ACOT13: variants seen among roughly 807,000 people sequenced by gnomAD.
The protein encoded by ACOT13 is acyl-coenzyme A thioesterase 13.
In ACOT13, 10 loss-of-function variants were observed where a neutral mutation model predicts 11.8. The observed-to-expected ratio is 0.85, with a 90% CI of 0.53 to 1.44. ACOT13 has a LOEUF of 1.44. Among genes scored for constraint, ACOT13 ranks in the 40% most tolerant of loss-of-function variants. The pLI, the probability that ACOT13 is intolerant of heterozygous loss-of-function variation, is 0.00. For synonymous variants in ACOT13, 53 were observed against 61.0 expected (o/e 0.87, Z 0.61); for missense variants, 172 against 174.1 (o/e 0.99, Z 0.07).
At chr6:24,667,436 CTT>C (rs1302630965) in intron 1 of ACOT13, 92 bp downstream of exon 1, 18 of 1,150,916 alleles carry the variant, frequency 1.6e-5, no homozygotes, top group Admixed American at 7.8e-5. Flanking sequence ...ATAATTATCT[CTT>C]GTTAGGTTGT....
chr6:24,668,409 C>T (rs534705697), intron 1 of ACOT13, among the ~76,000 whole-genome samples: 1 of 152,130 alleles, frequency 6.6e-6, no homozygotes, highest in South Asian at 2.1e-4. Context: ...TTATTAGAGA[C>T]AGGGTTTCAT....
At chr6:24,694,882 G>A (rs886576633) in intron 1 of ACOT13, among the ~76,000 whole-genome samples, 1 of 152,100 alleles carries the variant, frequency 6.6e-6, no homozygotes, top group Non-Finnish European at 1.5e-5. Flanking sequence ...CAAGTTGGGG[G>A]GAAAAATCAA....
intron 1 of ACOT13, among the ~76,000 whole-genome samples, chr6:24,675,671 C>T (rs1778441432): frequency 6.6e-6 from 1 of 152,112 alleles, no homozygotes; most frequent in African/African-American, 2.4e-5. Context: ...TTTCTCCCAT[C>T]CTGTAGGTTG....
At chr6:24,667,411 C>A in intron 1 of ACOT13, 67 bp downstream of exon 1, 2 of 1,414,108 alleles carry the variant, frequency 1.4e-6, no homozygotes, top group South Asian at 1.2e-5. Context: ...TGCTTGGTGC[C>A]GTTGTGAGCT....
intron 1 of ACOT13, among the ~76,000 whole-genome samples, chr6:24,678,586 C>A (rs930744541): frequency 2.6e-5 from 4 of 152,136 alleles, no homozygotes; most frequent in Non-Finnish European, 5.9e-5. Flanking sequence ...CCATATTGTC[C>A]TTCTGTTGCC....
rs545931059 is a variant in ACOT13 at position 24,679,623 on chromosome 6, C to A, written c.81+12279C>A. On this transcript the variant is annotated intron_variant, in intron 1 of 2. Transcript: ENST00000230048. ...TCTGATTCTGTGTCCCAATGAGGGT[C>A]TACACTGGGAACTGCCTGCTGGCCT... is the stretch of plus-strand genomic sequence containing the variant. 2.6e-5 allele frequency among the ~76,000 whole-genome samples: 4 copies of A among 152,326 alleles called. No homozygotes were observed. In the East Asian group the frequency reaches 7.7e-4, roughly 29 times the overall value.
At chr6:24,694,962 G>C (rs1003240804) in intron 1 of ACOT13, among the ~76,000 whole-genome samples, 2 of 152,144 alleles carry the variant, frequency 1.3e-5, no homozygotes, top group Admixed American at 6.6e-5. Context: ...GCCAAAGTTA[G>C]GTAATCAAAT....
intron 1 of ACOT13, among the ~76,000 whole-genome samples, chr6:24,685,332 CTTTTTTTTTTT>C (rs563020332): frequency 8.6e-6 from 1 of 116,784 alleles, no homozygotes; most frequent in Non-Finnish European, 1.8e-5. Context: ...TTTTACTGTA[CTTTTTTTTTTT>C]TTTTTTTTTT....
At chr6:24,678,465 C>T (rs139014077) in intron 1 of ACOT13, among the ~76,000 whole-genome samples, 106 of 152,264 alleles carry the variant, frequency 7.0e-4, no homozygotes, top group African/African-American at 1.9e-3. Context: ...AAGTCCTTAA[C>T]AATCTTTTGG....
chr6:24,685,099 C>T (rs1235935445), intron 1 of ACOT13, among the ~76,000 whole-genome samples: 3 of 152,098 alleles, frequency 2.0e-5, no homozygotes, highest in African/African-American at 4.8e-5. Flanking sequence ...ACTTACAGTA[C>T]GTCTGAGTTC....
chr6:24,690,160 C>A lies in ACOT13; in HGVS notation c.82-7723C>A, dbSNP rs76318187. 3.0e-3 allele frequency among the ~76,000 whole-genome samples: 451 copies of A among 152,240 alleles called. 2 individuals carry two copies. Among genetic ancestry groups the A allele is most frequent in the African/African-American group, 9.7e-3 (404 of 41,538 alleles). The stretch of plus-strand genomic sequence containing the variant: ...TTTTGTATGACTAATGGGCTGTTCC[C>A]CTGGCCTTGATTTGCCAGATTTGCA... On this transcript the variant is annotated intron_variant, in intron 1 of 2. Transcript: ENST00000230048.
intron 2 of ACOT13, chr6:24,700,762 C>A (rs1415441902): frequency 2.0e-5 from 3 of 152,052 alleles, no homozygotes; most frequent in African/African-American, 4.8e-5. Flanking sequence ...TACCTCCTAG[C>A]CATAAATACT....
chr6:24,682,454 G>C (rs1362648443), intron 1 of ACOT13, among the ~76,000 whole-genome samples: 1 of 152,198 alleles, frequency 6.6e-6, no homozygotes, highest in Non-Finnish European at 1.5e-5. Context: ...CATGCGGTGA[G>C]TGTTATAGCT....
chr6:24,689,747 C>A (rs553341207), intron 1 of ACOT13, among the ~76,000 whole-genome samples: 1 of 152,014 alleles, frequency 6.6e-6, no homozygotes, highest in East Asian at 1.9e-4. Flanking sequence ...AATTAAAAAT[C>A]TAATAAAAAC....
At chr6:24,698,368 A>AT (rs1778833772) in intron 2 of ACOT13, among the ~76,000 whole-genome samples, 1 of 152,234 alleles carries the variant, frequency 6.6e-6, no homozygotes, top group Non-Finnish European at 1.5e-5. Flanking sequence ...CTGATGGCTC[A>AT]TAACTGTTTC....
chr6:24,675,245 C>A (rs1778434469), intron 1 of ACOT13, among the ~76,000 whole-genome samples: 1 of 152,110 alleles, frequency 6.6e-6, no homozygotes, highest in South Asian at 2.1e-4. Flanking sequence ...GGGTATATAC[C>A]CAGTAATGGG....
intron 1 of ACOT13, among the ~76,000 whole-genome samples, chr6:24,679,328 C>T (rs1206125679): frequency 6.6e-6 from 1 of 152,068 alleles, no homozygotes; most frequent in Non-Finnish European, 1.5e-5. Context: ...TTGCTCTGGG[C>T]CTAAGGCGGA....
At chr6:24,699,432 G>T (rs1016363670) in intron 2 of ACOT13, among the ~76,000 whole-genome samples, 1 of 152,106 alleles carries the variant, frequency 6.6e-6, no homozygotes, top group African/African-American at 2.4e-5. Context: ...GGCTGGTCTC[G>T]ATCTCCTCAC....
chr6:24,701,021 G>A (rs1330770969), intron 2 of ACOT13: 1 of 152,336 alleles, frequency 6.6e-6, no homozygotes, highest in African/African-American at 2.4e-5. Context: ...CATCAAGATT[G>A]TAAGGACATC....
Sources: gnomAD v4.1 joint callset for allele counts (sites outside exome capture counted in the v4.1 genomes callset) on GRCh38, gnomAD v4.1.1 for gene constraint, MANE v1.5 for transcripts, NCBI Gene and HGNC (gene_info 2026-07-23, HGNC 2026-07-21) for gene names.